Variants in UNC93A observed in about 807,000 individuals in gnomAD.
UNC93A encodes unc-93 homolog A.
Under a neutral mutation model 47.5 loss-of-function variants are expected in UNC93A, and 43 were observed. The ratio of observed to expected loss-of-function variants is 0.91; its 90% CI spans 0.71 to 1.17. The LOEUF (loss-of-function observed/expected upper bound fraction) is 1.17, where lower values mean the gene tolerates loss of function less well. Ranked by LOEUF, UNC93A falls within the 50% of genes most tolerant of loss-of-function variation. The pLI, the probability that UNC93A is intolerant of heterozygous loss-of-function variation, is 0.00. For missense variants in UNC93A, 605 were observed against 577.6 expected (o/e 1.05, Z -0.49); for synonymous variants, 280 against 258.0 (o/e 1.09, Z -0.82).
chr6:167,313,682 G>A (rs1778616109), intron 7 of UNC93A, among the ~76,000 whole-genome samples: 1 of 152,092 alleles, frequency 6.6e-6, no homozygotes, highest in African/African-American at 2.4e-5. Context: ...GGGTCCATTG[G>A]CTCTGGTTTT....
upstream of UNC93A, among the ~76,000 whole-genome samples, chr6:167,270,852 G>A (rs553541587): frequency 3.3e-5 from 5 of 152,316 alleles, no homozygotes; most frequent in African/African-American, 7.2e-5. Flanking sequence ...AGCCTGGCCC[G>A]GCTGACACCG....
intron 4 of UNC93A, among the ~76,000 whole-genome samples, chr6:167,302,294 G>A (rs986377270): frequency 6.6e-6 from 1 of 152,156 alleles, no homozygotes; most frequent in African/African-American, 2.4e-5. Flanking sequence ...CTGATGCTGA[G>A]AGAGAAAGCA....
chr6:167,300,341 C>T (rs186133770), intron 4 of UNC93A, among the ~76,000 whole-genome samples: 1 of 152,262 alleles, frequency 6.6e-6, no homozygotes, highest in Admixed American at 6.5e-5. Context: ...GAGGGCCAGG[C>T]AGACAACTGG....
intron 1 of UNC93A, among the ~76,000 whole-genome samples, chr6:167,271,833 A>G (rs568973836): frequency 6.6e-6 from 1 of 152,232 alleles, no homozygotes; most frequent in East Asian, 1.9e-4. Context: ...GACAAATTTT[A>G]GAGGAGTGAC....
chr6:167,276,188 A>G (rs949863780), intron 1 of UNC93A, among the ~76,000 whole-genome samples: 2 of 149,124 alleles, frequency 1.3e-5, no homozygotes, highest in African/African-American at 2.5e-5. Context: ...ACAGGGTTTT[A>G]TTCCTTTTTA....
At chr6:167,289,958 G>A (rs201760565), upstream of UNC93A, among the ~76,000 whole-genome samples, 74 of 152,202 alleles carry the variant, frequency 4.9e-4, no homozygotes, top group East Asian at 0.013. Flanking sequence ...ACATTTATTG[G>A]TGATAACATT....
At chr6:167,306,226 A>T (rs1234316770) in intron 6 of UNC93A, among the ~76,000 whole-genome samples, 176 bp downstream of exon 6, 1 of 152,178 alleles carries the variant, frequency 6.6e-6, no homozygotes. Context: ...AACAAGCAGG[A>T]ATCAGATCTC....
At chr6:167,290,782 T>C (rs1284411408), upstream of UNC93A, among the ~76,000 whole-genome samples, 6 of 152,222 alleles carry the variant, frequency 3.9e-5, no homozygotes, top group Non-Finnish European at 7.3e-5. Context: ...TCCTGTCTTA[T>C]AATGGGTCTA....
chr6:167,287,381 A>C (rs951059135), upstream of UNC93A, among the ~76,000 whole-genome samples: 1 of 152,044 alleles, frequency 6.6e-6, no homozygotes, highest in East Asian at 1.9e-4. Context: ...GTACCACCCC[A>C]TACTCCCTAT....
At chr6:167,269,793 T>G (rs896686279), upstream of UNC93A, among the ~76,000 whole-genome samples, 11 of 151,726 alleles carry the variant, frequency 7.2e-5, no homozygotes, top group Non-Finnish European at 1.0e-4. Context: ...GTGTGTGTGT[T>G]TTTAGTAGAG....
chr6:167,273,024 T>C (rs1783474856), intron 1 of UNC93A, among the ~76,000 whole-genome samples: 1 of 61,862 alleles, frequency 1.6e-5, no homozygotes, highest in African/African-American at 6.7e-5. Flanking sequence ...CATAGAATTG[T>C]ATTTTTGGTT....
At chr6:167,303,649 T>C (rs546955313) in intron 4 of UNC93A, among the ~76,000 whole-genome samples, 1 of 152,250 alleles carries the variant, frequency 6.6e-6, no homozygotes, top group African/African-American at 2.4e-5. Flanking sequence ...CCGGAATTTT[T>C]TGTATTTTAT....
chr6:167,312,139 T>C (rs1778574688), intron 7 of UNC93A, among the ~76,000 whole-genome samples: 1 of 152,108 alleles, frequency 6.6e-6, no homozygotes, highest in Non-Finnish European at 1.5e-5. Flanking sequence ...TTCCTTAATT[T>C]TGGTTTGTTT....
intron 3 of UNC93A, among the ~76,000 whole-genome samples, chr6:167,296,920 T>G (rs369735133): frequency 6.6e-6 from 1 of 152,236 alleles, no homozygotes; most frequent in Non-Finnish European, 1.5e-5. Context: ...CAACTATTTC[T>G]ATCACTTCAT....
Position 167,294,552 on chromosome 6 carries a change from A to G in UNC93A, c.123A>G (p.Thr41=). 6.2e-7 allele frequency: 1 copy of G among 1,614,012 alleles called. No homozygotes were observed. The highest frequency in any genetic ancestry group is 1.1e-5 in the South Asian group (1 of 91,078). The change falls in exon 2 of 8, where the codon ACA becomes ACG. Residue 41 remains threonine, a synonymous_variant. Coordinates refer to ENST00000230256, the MANE Select transcript of UNC93A (RefSeq NM_018974.4). ...SLYSEEGLGV[T]ALSTLYGGML... ...ACAGCGAGGAGGGCCTGGGTGTCAC[A>G]GCGCTCAGCACCCTCTATGGAGGCA...
rs148062483 is a variant in UNC93A, at chr6:167,315,350, G to A, written c.1272G>A (p.Ala424=). 1,361 of 1,613,926 alleles carry A rather than the reference G, an allele frequency of 8.4e-4. 5 individuals carry two copies. In the African/African-American group the frequency reaches 0.016, roughly 19 times the overall value. ...GGGTCCTGAGCCTGACCATGGTGGC[G>A]TATGGGCTTGTGGAGTGCGTGGAGT... The part of the protein sequence containing the change: ...LLGVLSLTMV[A]YGLVECVESK... Residue 424 remains alanine (A), a synonymous_variant, in exon 8 of 8, where the codon GCG becomes GCA. Coordinates refer to ENST00000230256, the MANE Select transcript of UNC93A (RefSeq NM_018974.4).
At chr6:167,297,644 A>G (rs1171005593) in intron 3 of UNC93A, among the ~76,000 whole-genome samples, 1 of 152,196 alleles carries the variant, frequency 6.6e-6, no homozygotes, top group Non-Finnish European at 1.5e-5. Flanking sequence ...AAAAATTTTA[A>G]TTATGTCAGA....
chr6:167,282,194 A>T (rs1260421385), intron 1 of UNC93A, among the ~76,000 whole-genome samples: 1 of 152,170 alleles, frequency 6.6e-6, no homozygotes, highest in African/African-American at 2.4e-5. Context: ...GCCTCAGTCC[A>T]TCAGCTGACC....
chr6:167,279,606 T>A (rs1011721956), intron 1 of UNC93A, among the ~76,000 whole-genome samples: 1 of 152,222 alleles, frequency 6.6e-6, no homozygotes, highest in Non-Finnish European at 1.5e-5. Context: ...TTTTATTCCA[T>A]GTGAGTGAGA....
Sources: allele counts gnomAD v4.1 joint callset (sites outside exome capture counted in the v4.1 genomes callset), GRCh38; gene constraint gnomAD v4.1.1; transcripts MANE v1.5; gene names NCBI Gene and HGNC (gene_info 2026-07-23, HGNC 2026-07-21).